SGPL1: variants seen among roughly 807,000 people sequenced by gnomAD.
SGPL1 encodes sphingosine-1-phosphate lyase 1.
Under a neutral mutation model 68.9 loss-of-function variants are expected in SGPL1, and 37 were observed. That is an observed-to-expected ratio of 0.54 (90% CI 0.41 to 0.71). The LOEUF (loss-of-function observed/expected upper bound fraction) is 0.71, where lower values mean the gene tolerates loss of function less well. SGPL1 is among the 30% of genes least tolerant of loss of function. The probability of loss-of-function intolerance (pLI) is 0.00; values close to 1 mark genes in which losing one functional copy is unlikely to be tolerated. For synonymous variants in SGPL1, 236 were observed against 248.5 expected (o/e 0.95, Z 0.47); for missense variants, 551 against 704.6 (o/e 0.78, Z 2.47).
intron 7 of SGPL1, among the ~76,000 whole-genome samples, chr10:70,862,883 C>A (rs1846102377): frequency 6.6e-6 from 1 of 152,214 alleles, no homozygotes; most frequent in African/African-American, 2.4e-5. Context: ...TCAGTGAGAC[C>A]AAGAACCCAC....
At chr10:70,862,303 G>A (rs977177075) in intron 7 of SGPL1, among the ~76,000 whole-genome samples, 15 of 152,170 alleles carry the variant, frequency 9.9e-5, no homozygotes, top group African/African-American at 3.6e-4. Flanking sequence ...TGGGGGCTTG[G>A]AGAACCTTTG....
chr10:70,868,877 T>C (rs1846242098), intron 8 of SGPL1, among the ~76,000 whole-genome samples: 1 of 152,208 alleles, frequency 6.6e-6, no homozygotes, highest in African/African-American at 2.4e-5. Context: ...GAGGGCTGTT[T>C]TCTGGGAGGA....
chr10:70,843,695 A>T (rs1845750330), intron 2 of SGPL1, among the ~76,000 whole-genome samples: 1 of 152,240 alleles, frequency 6.6e-6, no homozygotes, highest in Non-Finnish European at 1.5e-5. Flanking sequence ...TGAGGAATAC[A>T]CATGATGGTA....
intron 2 of SGPL1, among the ~76,000 whole-genome samples, chr10:70,832,243 A>G (rs1845553364): frequency 6.6e-6 from 1 of 152,208 alleles, no homozygotes; most frequent in African/African-American, 2.4e-5. Context: ...AAGGGTGTTT[A>G]TATAGTTGAA....
At chr10:70,816,739 C>G (rs1845238653) in intron 1 of SGPL1, 72 bp from the exon 2 acceptor site, 1 of 1,057,880 alleles carries the variant, frequency 9.5e-7, no homozygotes. Context: ...CTTGGCTGCT[C>G]TGGCGAATCT....
At chr10:70,874,483 G>C (rs138624698) in intron 12 of SGPL1, among the ~76,000 whole-genome samples, 28 of 152,356 alleles carry the variant, frequency 1.8e-4, no homozygotes, top group African/African-American at 6.7e-4. Flanking sequence ...CCAGCACTTT[G>C]GGAGGCTGAG....
intron 14 of SGPL1, 139 bp downstream of exon 14, chr10:70,876,800 A>G (rs1025090217): frequency 2.6e-6 from 2 of 776,818 alleles, no homozygotes; most frequent in Middle Eastern, 2.4e-4. Flanking sequence ...ACTGGAGCTG[A>G]TGATCTCTGC....
chr10:70,839,277 GT>G (rs1443693387), intron 2 of SGPL1, among the ~76,000 whole-genome samples: 4 of 151,150 alleles, frequency 2.6e-5, no homozygotes, highest in Non-Finnish European at 5.9e-5. Context: ...TACTACTAAG[GT>G]TTATAAGAGT....
chr10:70,864,938 C>T (rs1398835642), intron 7 of SGPL1, among the ~76,000 whole-genome samples: 1 of 152,180 alleles, frequency 6.6e-6, no homozygotes, highest in Non-Finnish European at 1.5e-5. Flanking sequence ...ATAATATACC[C>T]TTTGAGCTCT....
chr10:70,829,667 G>C (rs1845498835), intron 2 of SGPL1, among the ~76,000 whole-genome samples: 1 of 151,790 alleles, frequency 6.6e-6, no homozygotes, highest in Admixed American at 6.6e-5. Flanking sequence ...GTTTAGTGTT[G>C]TGCCACACAT....
Position 70,850,989 on chromosome 10 carries a change from CTTAAAT to C in SGPL1, c.194-148_194-143del, listed in dbSNP as rs559531829. On this transcript the variant is annotated intron_variant, in intron 3 of 14. Transcript: ENST00000373202. ...TGTAAATATAGTACTTATTCACAAACTTAAATTTAAAAGTTTTTTTAAAATTTTTTA... is the reference window on the plus strand; with the variant it reads ...TGTAAATATAGTACTTATTCACAAACTTAAAAGTTTTTTTAAAATTTTTTA... Among the ~76,000 whole-genome samples the C allele has an allele frequency of 1.6e-3, 237 of 152,128 alleles. 1 individual carries two copies. Among genetic ancestry groups the C allele is most frequent in the African/African-American group, 4.4e-3 (184 of 41,508 alleles).
chr10:70,873,524 C>G lies in SGPL1; in HGVS notation c.1233C>G (p.Phe411Leu). ...SAACWAALMH[F>L]GENGYVEATK... ...CCTGTTGGGCTGCCTTGATGCACTT[C>G]GGTGAGAACGGCTATGTTGAAGCTA... The change falls in exon 12 of 15, where the codon TTC becomes TTG. Residue 411 changes from phenylalanine (F) to leucine (L), a missense_variant. Physicochemically the swap from Phe to Leu is conservative, Grantham distance 22. Transcript: ENST00000373202. The G allele has an allele frequency of 6.2e-7, 1 of 1,614,240 alleles. No individual in the cohort carries two copies. Among genetic ancestry groups the G allele is most frequent in the Non-Finnish European group, 8.5e-7 (1 of 1,180,018 alleles).
At chr10:70,873,079 A>G (rs931101055) in intron 11 of SGPL1, among the ~76,000 whole-genome samples, 1 of 152,220 alleles carries the variant, frequency 6.6e-6, no homozygotes, top group East Asian at 1.9e-4. Flanking sequence ...GGTAAACCAC[A>G]TGCTGGGCAA....
intron 4 of SGPL1, among the ~76,000 whole-genome samples, chr10:70,853,662 AGTGAATATGAAT>A (rs1008452700): frequency 7.2e-5 from 11 of 152,296 alleles, no homozygotes; most frequent in African/African-American, 2.6e-4. Context: ...GTGAATATGC[AGTGAATATGAAT>A]GTGAATATGT....
chr10:70,831,961 A>T (rs1845546823), intron 2 of SGPL1, among the ~76,000 whole-genome samples: 2 of 152,170 alleles, frequency 1.3e-5, no homozygotes, highest in African/African-American at 2.4e-5. Context: ...GGACAGGAGA[A>T]GGTTGAGAGA....
intron 2 of SGPL1, among the ~76,000 whole-genome samples, chr10:70,840,423 G>A (rs1031102665): frequency 7.2e-5 from 11 of 152,046 alleles, no homozygotes; most frequent in East Asian, 5.8e-4. Context: ...AAGGTCCTAA[G>A]GAACTGCATC....
chr10:70,856,329 G>A (rs1240089807), intron 5 of SGPL1, among the ~76,000 whole-genome samples: 1 of 152,160 alleles, frequency 6.6e-6, no homozygotes, highest in African/African-American at 2.4e-5. Context: ...TAAGTGACAT[G>A]TGTTGAGGTC....
intron 7 of SGPL1, among the ~76,000 whole-genome samples, chr10:70,862,588 C>G (rs1005606983): frequency 2.0e-5 from 3 of 152,154 alleles, no homozygotes; most frequent in Admixed American, 6.5e-5. Context: ...GTCCACGCTG[C>G]TTTTATGAGC....
chr10:70,873,484 G>T lies in SGPL1; in HGVS notation c.1193G>T (p.Gly398Val). The T allele has an allele frequency of 6.2e-7, 1 of 1,614,262 alleles. No individual in the cohort carries two copies. The highest frequency in any genetic ancestry group is 8.5e-7 in the Non-Finnish European group (1 of 1,180,036). Residue 398 changes from glycine to valine, a missense_variant, in exon 12 of 15, where the codon GGT (glycine) becomes GTT (valine). Gly to Val is a moderately radical substitution (Grantham distance 109). Transcript: ENST00000373202. ...CCAACCATCGCAGGCTCACGGCCTG[G>T]TGGCATTAGCGCAGCCTGTTGGGCT... is the stretch of plus-strand genomic sequence containing the variant. Reference protein sequence around the residue: ...ASPTIAGSRPGGISAACWAAL... With the variant: ...ASPTIAGSRPVGISAACWAAL...
Sources: allele counts gnomAD v4.1 joint callset (sites outside exome capture counted in the v4.1 genomes callset), GRCh38; gene constraint gnomAD v4.1.1; transcripts MANE v1.5; gene names NCBI Gene and HGNC (gene_info 2026-07-23, HGNC 2026-07-21).